The following TXNL4A variants were observed in gnomAD, a reference collection of about 807,000 sequenced individuals.
TXNL4A encodes thioredoxin like 4A, also known as thioredoxin-like protein 4A.
In TXNL4A, 17 loss-of-function variants were observed where a neutral mutation model predicts 14.6. The observed-to-expected ratio is 1.16, with a 90% CI of 0.80 to 1.74. The LOEUF is 1.74. Ranked by LOEUF, TXNL4A falls within the 40% of genes most tolerant of loss-of-function variation. The probability of loss-of-function intolerance (pLI) is 0.00; values close to 1 mark genes in which losing one functional copy is unlikely to be tolerated. For synonymous variants in TXNL4A, 83 were observed against 70.6 expected (o/e 1.18, Z -0.88); for missense variants, 74 against 195.2 (o/e 0.38, Z 3.70).
Position 79,971,432 on chromosome 18 carries a change from ATCC to A in TXNL4A, c.*2250_*2252del, listed in dbSNP as rs2051300237. The A allele has an allele frequency of 1.3e-5, 2 of 152,116 alleles. No homozygotes were observed. The highest frequency in any genetic ancestry group is 4.1e-4 in the South Asian group (2 of 4,828). The allele number at this position is 152,116 out of a possible 1,614,324, so 9.4% of individuals were successfully genotyped here. A position where few individuals can be genotyped will look rare whatever the true frequency, so the allele number is the denominator to read the frequency against. ...AGCCTTGACCTCTGGGGCTTAAGTG[ATCC>A]TCCTGCCTCAGCCCGCCGAGTAGCT... On this transcript the variant is annotated 3_prime_UTR_variant, in exon 3 of 3. Coordinates refer to ENST00000269601, the MANE Select transcript of TXNL4A (RefSeq NM_006701.5).
intron 1 of TXNL4A, among the ~76,000 whole-genome samples, chr18:80,032,227 A>C (rs2051926362): frequency 6.6e-6 from 1 of 152,110 alleles, no homozygotes; most frequent in African/African-American, 2.4e-5. Context: ...TTGAACTTCT[A>C]GGAATAAACC....
At chr18:79,977,452 A>G in intron 2 of TXNL4A, 146 bp downstream of exon 2, 1 of 657,676 alleles carries the variant, frequency 1.5e-6, no homozygotes, top group South Asian at 1.9e-5. Context: ...AAAGATTCAC[A>G]CTGATTGCCT....
chr18:79,974,800 G>A (rs974216941), intron 2 of TXNL4A, among the ~76,000 whole-genome samples: 48 of 152,062 alleles, frequency 3.2e-4, no homozygotes, highest in African/African-American at 7.5e-4. Flanking sequence ...TTAGAGATGC[G>A]AGCTATGTTG....
intron 1 of TXNL4A, among the ~76,000 whole-genome samples, chr18:79,984,554 AC>A (rs2051514414): frequency 6.6e-6 from 1 of 152,046 alleles, no homozygotes; most frequent in Non-Finnish European, 1.5e-5. Context: ...ACACAAGAAG[AC>A]TCTTGTCTCA....
intron 1 of TXNL4A, among the ~76,000 whole-genome samples, chr18:80,018,148 G>C (rs2051824438): frequency 6.6e-6 from 1 of 152,212 alleles, no homozygotes; most frequent in Non-Finnish European, 1.5e-5. Context: ...TCAGACCACA[G>C]TGCAATCAAA....
At chr18:79,997,352 C>T (rs906340673) in intron 1 of TXNL4A, among the ~76,000 whole-genome samples, 5 of 151,724 alleles carry the variant, frequency 3.3e-5, no homozygotes, top group Non-Finnish European at 5.9e-5. Context: ...CCTGCACAAG[C>T]CCCTGCAACA....
intron 2 of TXNL4A, among the ~76,000 whole-genome samples, chr18:79,974,255 C>G (rs2051345707): frequency 6.6e-6 from 1 of 152,146 alleles, no homozygotes. Flanking sequence ...CTAATTTGTA[C>G]TAATTTACCT....
At chr18:80,003,273 G>A (rs1211435786) in intron 1 of TXNL4A, among the ~76,000 whole-genome samples, 1 of 152,230 alleles carries the variant, frequency 6.6e-6, no homozygotes, top group Non-Finnish European at 1.5e-5. Context: ...ATGGCCTGAG[G>A]AGTACTTCAA....
intron 1 of TXNL4A, among the ~76,000 whole-genome samples, chr18:80,028,688 C>T (rs1285531813): frequency 3.3e-5 from 5 of 152,114 alleles, no homozygotes; most frequent in South Asian, 2.1e-4. Context: ...CTCAAGTGGC[C>T]GAGTTGATTG....
chr18:80,019,674 G>T (rs190774729), intron 1 of TXNL4A, among the ~76,000 whole-genome samples: 3 of 152,290 alleles, frequency 2.0e-5, no homozygotes, highest in African/African-American at 7.2e-5. Flanking sequence ...TGTCACCCTT[G>T]TTCCTTCTTA....
At chr18:79,998,636 C>G (rs1390370058) in intron 1 of TXNL4A, among the ~76,000 whole-genome samples, 1 of 149,244 alleles carries the variant, frequency 6.7e-6, no homozygotes, top group Non-Finnish European at 1.5e-5. Context: ...CAACCATGGC[C>G]CTTCTGTACA....
Position 80,008,771 on chromosome 18 carries a change from TTTTCTTTC to T in TXNL4A, c.-61+25072_-61+25079del, listed in dbSNP as rs561652448. On this transcript the variant is annotated intron_variant, in intron 1 of 2. Coordinates refer to the TXNL4A transcript ENST00000585474. ...CAGTTGGAAATTCATTCTACTTCAT[TTTTCTTTC>T]TTTCTTTCTTTCTTTTGAGATGGAG... Among the ~76,000 whole-genome samples the T allele has an allele frequency of 5.5e-4, 83 of 152,034 alleles. 1 individual carries two copies. Among genetic ancestry groups the T allele is most frequent in the Non-Finnish European group, 9.7e-4 (66 of 67,968 alleles).
intron 1 of TXNL4A, among the ~76,000 whole-genome samples, chr18:80,019,017 A>C (rs1215295883): frequency 6.6e-6 from 1 of 152,224 alleles, no homozygotes; most frequent in East Asian, 1.9e-4. Flanking sequence ...GGACAAAGCC[A>C]TTCAACAAGC....
At chr18:79,988,167 G>T in intron 1 of TXNL4A, 73 bp downstream of exon 1, 1 of 1,341,890 alleles carries the variant, frequency 7.5e-7, no homozygotes. Context: ...GCCCCCAGGC[G>T]ACGCCGGCAG....
Position 79,982,916 on chromosome 18 carries a change from G to A in TXNL4A, c.154-5215C>T, listed in dbSNP as rs7244926. Among the ~76,000 whole-genome samples, 19,054 of 152,098 alleles carry A rather than the reference G, an allele frequency of 0.13. 1,369 individuals carry two copies. The highest frequency in any genetic ancestry group is 0.27 in the East Asian group (1,395 of 5,160). On this transcript the variant is annotated intron_variant, in intron 1 of 2. Coordinates refer to ENST00000269601, the MANE Select transcript of TXNL4A (RefSeq NM_006701.5). The surrounding 1 kb of genome is among the most constrained non-coding windows in gnomAD (Gnocchi z 4.0). ...CATCTGCTGGTGGCGACATTTCCAC[G>A]GTAACCAAGCGCTTGGAGGAGGAGC...
chr18:80,008,865 C>T (rs2051750504), intron 1 of TXNL4A, among the ~76,000 whole-genome samples: 2 of 152,236 alleles, frequency 1.3e-5, no homozygotes, highest in Admixed American at 6.5e-5. Flanking sequence ...GCAACCTCCG[C>T]CTCCTGAGTT....
chr18:79,994,217 C>T (rs188863386), intron 1 of TXNL4A, among the ~76,000 whole-genome samples: 7 of 152,274 alleles, frequency 4.6e-5, no homozygotes, highest in Non-Finnish European at 1.0e-4. Flanking sequence ...GTTACAATGG[C>T]CTAAATGGGG....
At chr18:80,002,050 TGGAGGGAGATAATTGAATTA>T (rs997069166) in intron 1 of TXNL4A, among the ~76,000 whole-genome samples, 7 of 152,220 alleles carry the variant, frequency 4.6e-5, no homozygotes, top group Non-Finnish European at 1.0e-4. Flanking sequence ...GGGAGGGATC[TGGAGGGAGATAATTGAATTA>T]GGGGGGCAGT....
intron 1 of TXNL4A, among the ~76,000 whole-genome samples, chr18:80,021,030 G>A (rs1480650345): frequency 1.3e-5 from 2 of 152,216 alleles, no homozygotes; most frequent in Non-Finnish European, 1.5e-5. Context: ...GGGCACAGAG[G>A]ATAATATTAT....
Sources: gnomAD v4.1 joint callset for allele counts (sites outside exome capture counted in the v4.1 genomes callset) on GRCh38, gnomAD v4.1.1 for gene constraint, Gnocchi (gnomAD v3.1) non-coding constraint, MANE v1.5 for transcripts, NCBI Gene and HGNC (gene_info 2026-07-23, HGNC 2026-07-21) for gene names.